Variants in TMEM178B observed in about 807,000 individuals in gnomAD.
TMEM178B encodes transmembrane protein 178B.
Under a neutral mutation model 31.0 loss-of-function variants are expected in TMEM178B, and 5 were observed. That is an observed-to-expected ratio of 0.16 (90% CI 0.08 to 0.34). The LOEUF is 0.34. Ranked by LOEUF, TMEM178B falls within the 10% of genes least tolerant of loss-of-function variation. The pLI is 1.00. For missense variants in TMEM178B, 275 were observed against 400.3 expected (o/e 0.69, Z 2.67); for synonymous variants, 164 against 164.0 (o/e 1.00, Z 0.00).
At chr7:141,194,001 T>G (rs892620289) in intron 1 of TMEM178B, among the ~76,000 whole-genome samples, 2 of 152,152 alleles carry the variant, frequency 1.3e-5, no homozygotes, top group Non-Finnish European at 2.9e-5. Context: ...TCAGATCTCG[T>G]GAGACATATT....
At position 141,324,019 on chromosome 7, in the gene TMEM178B, C is replaced by T. The variant is rs899164192; in HGVS notation, c.496+111315C>T. 1.4e-3 allele frequency among the ~76,000 whole-genome samples: 208 copies of T among 152,012 alleles called. 2 individuals are homozygous for T. Among genetic ancestry groups the T allele is most frequent in the African/African-American group, 4.7e-3 (195 of 41,434 alleles). On this transcript the variant is annotated intron_variant, in intron 2 of 3. Coordinates refer to ENST00000565468, the MANE Select transcript of TMEM178B (RefSeq NM_001195278.2). ...AGCAAGTGCAAATGTCCTGAGGCATCGAGATGCTGGTACATTCAAGAAACT... is the reference window on the plus strand; with the variant it reads ...AGCAAGTGCAAATGTCCTGAGGCATTGAGATGCTGGTACATTCAAGAAACT...
At chr7:141,310,428 C>T (rs1053005883) in intron 2 of TMEM178B, among the ~76,000 whole-genome samples, 3 of 152,160 alleles carry the variant, frequency 2.0e-5, no homozygotes, top group African/African-American at 7.2e-5. Context: ...TTTTATTTTA[C>T]TTTAAATTCC....
At chr7:141,324,147 T>G (rs1563151542) in intron 2 of TMEM178B, among the ~76,000 whole-genome samples, 1 of 151,986 alleles carries the variant, frequency 6.6e-6, no homozygotes, top group Non-Finnish European at 1.5e-5. Flanking sequence ...GCCCTTGGCT[T>G]TTGGAAGGAA....
At chr7:141,494,862 T>C in the TMEM178B span, among the ~76,000 whole-genome samples, 2 of 152,174 alleles carry the variant, frequency 1.3e-5, no homozygotes, top group African/African-American at 2.4e-5. Flanking sequence ...GGTTAAGTGA[T>C]AAGATGTCTG....
intron 2 of TMEM178B, among the ~76,000 whole-genome samples, chr7:141,267,112 T>C (rs1586859803): frequency 6.6e-6 from 1 of 152,180 alleles, no homozygotes; most frequent in African/African-American, 2.4e-5. Context: ...CACAGCATCC[T>C]CCCATGACAG....
At chr7:141,336,753 CCACCACCAACACTACAATCAT>C (rs1429138808) in intron 2 of TMEM178B, among the ~76,000 whole-genome samples, 2 of 151,370 alleles carry the variant, frequency 1.3e-5, no homozygotes, top group Admixed American at 6.6e-5. Flanking sequence ...CCCACCATTA[CCACCACCAACACTACAATCAT>C]CACCATCACC....
intron 2 of TMEM178B, chr7:141,352,616 ATG>A (rs1799753026): frequency 6.6e-6 from 1 of 152,246 alleles, no homozygotes; most frequent in African/African-American, 2.4e-5. Context: ...TCCTGACCTC[ATG>A]ATCCACCCGC....
Position 141,256,574 on chromosome 7 carries a change from T to C in TMEM178B, c.496+43870T>C, listed in dbSNP as rs371055944. On this transcript the variant is annotated intron_variant, in intron 2 of 3. Transcript: ENST00000565468. Reference sequence around the variant, plus strand: ...TGTAACCTACAGCAAGATGAGCCTCTGAATGTTTTCCAAGTGTGATGGAAA... The same window carrying C: ...TGTAACCTACAGCAAGATGAGCCTCCGAATGTTTTCCAAGTGTGATGGAAA... Among the ~76,000 whole-genome samples, 7 of 152,210 alleles carry C rather than the reference T, an allele frequency of 4.6e-5. No individual in the cohort carries two copies. The East Asian group carries it at 9.6e-4, about 21-fold the overall frequency.
At chr7:141,260,425 AT>A (rs1359007919) in intron 2 of TMEM178B, among the ~76,000 whole-genome samples, 2 of 151,468 alleles carry the variant, frequency 1.3e-5, no homozygotes, top group African/African-American at 2.4e-5. Flanking sequence ...TTTTTTGACC[AT>A]TTTTTCCCCC....
In TMEM178B at chr7:141,476,875, A is replaced by AG. The variant is rs1192971249; in HGVS notation, c.*6095dup. ...GGTAACGGGGGAGCCACCCAACTGC[A>AG]GGGGGGTGTATGTTCAGGTGTGAAA... On this transcript the variant is annotated 3_prime_UTR_variant, in exon 4 of 4. Coordinates refer to ENST00000565468, the MANE Select transcript of TMEM178B (RefSeq NM_001195278.2). 1 of 154,850 alleles carries AG rather than the reference A, an allele frequency of 6.5e-6. No individual in the cohort carries two copies. The highest frequency in any genetic ancestry group is 1.9e-4 in the East Asian group (1 of 5,208). 9.6% of individuals were successfully genotyped at this position (154,850 alleles called of 1,614,324 possible). A position where few individuals can be genotyped will look rare whatever the true frequency, so the allele number is the denominator to read the frequency against.
In TMEM178B at chr7:141,147,220, CCTCCTTCCCTTT is replaced by C. The variant is rs373911777; in HGVS notation, c.383-65348_383-65337del. ...TTTCCTCCCCTTCCCTCCCTCCGTC[CCTCCTTCCCTTT>C]CTCCTTCCCTTTCTCCTTCCCTCCC... On this transcript the variant is annotated intron_variant, in intron 1 of 3. Coordinates refer to ENST00000565468, the MANE Select transcript of TMEM178B (RefSeq NM_001195278.2). Among the ~76,000 whole-genome samples, 123 of 152,028 alleles carry C rather than the reference CCTCCTTCCCTTT, an allele frequency of 8.1e-4. 1 individual carries two copies. In the Middle Eastern group the frequency reaches 0.014, roughly 17 times the overall value.
At chr7:141,217,624 T>C (rs1797180957) in intron 2 of TMEM178B, among the ~76,000 whole-genome samples, 2 of 152,114 alleles carry the variant, frequency 1.3e-5, no homozygotes, top group African/African-American at 4.8e-5. Context: ...AAATAATACC[T>C]GCCTGAGGTT....
At chr7:141,225,928 A>C (rs999837636) in intron 2 of TMEM178B, among the ~76,000 whole-genome samples, 3 of 152,136 alleles carry the variant, frequency 2.0e-5, no homozygotes, top group African/African-American at 2.4e-5. Flanking sequence ...ACGTTGGTAA[A>C]GTGAGACCCA....
intron 1 of TMEM178B, among the ~76,000 whole-genome samples, chr7:141,176,815 A>AT (rs1034985951): frequency 6.6e-6 from 1 of 152,056 alleles, no homozygotes; most frequent in Non-Finnish European, 1.5e-5. Flanking sequence ...CCTCTTTATC[A>AT]TTTTTTATGC....
intron 2 of TMEM178B, among the ~76,000 whole-genome samples, chr7:141,256,076 A>G (rs1181477714): frequency 6.6e-6 from 1 of 151,544 alleles, no homozygotes; most frequent in Admixed American, 6.6e-5. Flanking sequence ...CCCTCCATCC[A>G]TCCCTCCCTC....
intron 2 of TMEM178B, among the ~76,000 whole-genome samples, chr7:141,369,993 G>C (rs1361052671): frequency 6.6e-6 from 1 of 152,166 alleles, no homozygotes; most frequent in African/African-American, 2.4e-5. Context: ...GGCCAACCTA[G>C]TCCTTAGTCC....
intron 2 of TMEM178B, among the ~76,000 whole-genome samples, chr7:141,373,199 A>G (rs1428321573): frequency 6.6e-6 from 1 of 152,218 alleles, no homozygotes; most frequent in African/African-American, 2.4e-5. Context: ...CTCTGGAAAC[A>G]GGAACTCTGG....
chr7:141,199,994 T>C (rs988205768), intron 1 of TMEM178B, among the ~76,000 whole-genome samples: 5 of 151,574 alleles, frequency 3.3e-5, no homozygotes, highest in Non-Finnish European at 7.4e-5. Flanking sequence ...GAGCTTGCAG[T>C]GAGCTGAGAT....
chr7:141,352,113 G>C (rs1010474509), intron 2 of TMEM178B: 1 of 152,436 alleles, frequency 6.6e-6, no homozygotes, highest in Non-Finnish European at 1.5e-5. Flanking sequence ...GTTTATAAAG[G>C]GGCAGCATGT....
Sources: gnomAD v4.1 joint callset for allele counts (sites outside exome capture counted in the v4.1 genomes callset) on GRCh38, gnomAD v4.1.1 for gene constraint, MANE v1.5 for transcripts, NCBI Gene and HGNC (gene_info 2026-07-23, HGNC 2026-07-21) for gene names.